TCERG1: variants seen among roughly 807,000 people sequenced by gnomAD.
The protein encoded by TCERG1 is TATA box binding protein (TBP)-associated factor, RNA polymerase II, S, 150kD.
In TCERG1, 37 loss-of-function variants were observed where a neutral mutation model predicts 144.7. The ratio of observed to expected loss-of-function variants is 0.26; its 90% CI spans 0.20 to 0.34. TCERG1 has a LOEUF of 0.34. Ranked by LOEUF, TCERG1 falls within the 10% of genes least tolerant of loss-of-function variation. TCERG1 has a pLI of 1.00. For missense variants in TCERG1, 1,027 were observed against 1,380.7 expected (o/e 0.74, Z 4.06); for synonymous variants, 492 against 458.2 (o/e 1.07, Z -0.94).
chr5:146,476,332 G>A (rs1764836194), intron 9 of TCERG1, among the ~76,000 whole-genome samples: 1 of 152,128 alleles, frequency 6.6e-6, no homozygotes, highest in Admixed American at 6.5e-5. Context: ...TGAAAATACT[G>A]TTTCTCAATG....
intron 3 of TCERG1, 66 bp downstream of exon 3, chr5:146,457,401 C>G: frequency 7.0e-7 from 1 of 1,436,300 alleles, no homozygotes. Context: ...AGAGTTCTGG[C>G]AGATTGAGGT....
chr5:146,507,930 T>C lies in TCERG1; in HGVS notation c.3019T>C (p.Cys1007Arg). 2 of 1,611,006 alleles carry C rather than the reference T, an allele frequency of 1.2e-6. No individual in the cohort carries two copies. Among genetic ancestry groups the C allele is most frequent in the Non-Finnish European group, 1.7e-6 (2 of 1,178,472 alleles). ...VKKIIKEDPR[C>R]IKFSSSDRKK... ...AAAAATCATTAAGGAAGATCCTCGATGTATTAAGTTCTCCTCCAGTGACAG... is the reference window on the plus strand; with the variant it reads ...AAAAATCATTAAGGAAGATCCTCGACGTATTAAGTTCTCCTCCAGTGACAG... Residue 1007 changes from cysteine (C) to arginine (R), a missense_variant, in exon 21 of 23, where the codon TGT becomes CGT. Cys to Arg is a radical substitution (Grantham distance 180). Around this residue, in one of 6 missense-constraint regions of TCERG1, gnomAD observed 133 missense variants for 283.2 expected, o/e 0.47. Transcript: ENST00000679501. This position sits in a 1 kb window ranked among gnomAD's most constrained non-coding sequence, Gnocchi z 4.6.
rs572642822 is a variant in TCERG1, at chr5:146,458,312, G to T, written c.439-572G>T. Among the ~76,000 whole-genome samples, 29 of 151,676 alleles carry T rather than the reference G, an allele frequency of 1.9e-4. No individual in the cohort carries two copies. The East Asian group carries it at 3.7e-3, about 19-fold the overall frequency. On this transcript the variant is annotated intron_variant, in intron 3 of 22. Transcript: ENST00000679501. Reference sequence around the variant, plus strand: ...CTTCCTCAGCCTCCCAAGTAGCTGGGATTACAGGCGCCTGCCATCACGTCT... The same window carrying T: ...CTTCCTCAGCCTCCCAAGTAGCTGGTATTACAGGCGCCTGCCATCACGTCT...
intron 1 of TCERG1, among the ~76,000 whole-genome samples, chr5:146,448,653 T>G (rs1762103557): frequency 6.6e-6 from 1 of 152,194 alleles, no homozygotes; most frequent in South Asian, 2.1e-4. Flanking sequence ...AAGAGGAAAA[T>G]GCCTTTCAGA....
intron 15 of TCERG1, among the ~76,000 whole-genome samples, chr5:146,490,155 C>G (rs1766257402): frequency 6.6e-6 from 1 of 152,150 alleles, no homozygotes; most frequent in Non-Finnish European, 1.5e-5. Context: ...CAATGCTATA[C>G]TTAGAGGAAA....
chr5:146,460,262 C>G (rs1276414702), intron 4 of TCERG1, among the ~76,000 whole-genome samples: 1 of 151,926 alleles, frequency 6.6e-6, no homozygotes, highest in Non-Finnish European at 1.5e-5. Flanking sequence ...GAGAGGGACA[C>G]AGCTATTAAT....
At chr5:146,492,722 TAAGTA>T (rs1368832060) in intron 15 of TCERG1, 193 bp from the exon 16 acceptor site, 1 of 363,148 alleles carries the variant, frequency 2.8e-6, no homozygotes, top group Non-Finnish European at 5.0e-6. Flanking sequence ...TCTTGAAGCC[TAAGTA>T]GAGAGCTGTG....
At chr5:146,456,634 A>G in intron 2 of TCERG1, among the ~76,000 whole-genome samples, 1 of 152,194 alleles carries the variant, frequency 6.6e-6, no homozygotes, top group African/African-American at 2.4e-5. Flanking sequence ...ACAACTTCAC[A>G]CTATTAGCAT....
intron 9 of TCERG1, 149 bp downstream of exon 9, chr5:146,471,725 A>C (rs572108142): frequency 7.3e-6 from 4 of 546,236 alleles, no homozygotes; most frequent in Non-Finnish European, 1.3e-5. Flanking sequence ...CAGCTTCCCG[A>C]ATAGCTGGGA....
intron 4 of TCERG1, among the ~76,000 whole-genome samples, chr5:146,462,946 G>T (rs190674981): frequency 6.6e-6 from 1 of 152,204 alleles, no homozygotes; most frequent in Non-Finnish European, 1.5e-5. Context: ...TACCATTAAT[G>T]TATTTTGTCT....
At chr5:146,500,016 A>G (rs529785048) in intron 17 of TCERG1, 2 of 152,258 alleles carry the variant, frequency 1.3e-5, no homozygotes, top group South Asian at 4.1e-4. Flanking sequence ...AGTGATGAGA[A>G]TTGTGCCCAG....
At chr5:146,495,222 T>A (rs897315237) in intron 16 of TCERG1, among the ~76,000 whole-genome samples, 22 of 152,194 alleles carry the variant, frequency 1.4e-4, no homozygotes, top group East Asian at 9.6e-4. Flanking sequence ...TCAGATTTTT[T>A]AAAAAAAATT....
At chr5:146,482,377 T>A (rs12652790) in intron 13 of TCERG1, 66,016 of 368,926 alleles carry the variant, frequency 0.18, 11,276 homozygotes, top group East Asian at 0.81. Flanking sequence ...CCTAATAATG[T>A]AGCCATTGTA....
In TCERG1 at chr5:146,469,539, T is replaced by C. The variant is rs1228414780; in HGVS notation, c.1199-5T>C. ...GGATCTAATTTTTTATTATTCTTTT[T>C]TTAGGTGTATTGCCAGGAATGGCCC... On this transcript the variant is annotated splice_polypyrimidine_tract_variant and splice_region_variant and intron_variant, in intron 6 of 22. Coordinates refer to ENST00000679501, the MANE Select transcript of TCERG1 (RefSeq NM_001382548.1). The C allele has an allele frequency of 1.3e-6, 2 of 1,576,852 alleles. No individual in the cohort carries two copies. The highest frequency in any genetic ancestry group is 1.7e-6 in the Non-Finnish European group (2 of 1,167,438).
At chr5:146,460,146 C>CAGTCAGAA in intron 4 of TCERG1, among the ~76,000 whole-genome samples, 1 of 152,004 alleles carries the variant, frequency 6.6e-6, no homozygotes, top group East Asian at 1.9e-4. Context: ...TAGAAGGGAG[C>CAGTCAGAA]AGTCAGAAAG....
At chr5:146,486,449 A>G (rs919375978) in intron 15 of TCERG1, among the ~76,000 whole-genome samples, 8 of 152,254 alleles carry the variant, frequency 5.3e-5, no homozygotes, top group South Asian at 2.1e-4. Flanking sequence ...AACATTTTCC[A>G]TAAAAACTAG....
At chr5:146,469,819 A>G in intron 7 of TCERG1, 75 bp downstream of exon 7, 1 of 1,094,062 alleles carries the variant, frequency 9.1e-7, no homozygotes. Flanking sequence ...ATTCTGAGTT[A>G]ATTTCTTTTT....
At chr5:146,454,813 G>T (rs1376564896) in intron 1 of TCERG1, among the ~76,000 whole-genome samples, 2 of 152,088 alleles carry the variant, frequency 1.3e-5, no homozygotes, top group Non-Finnish European at 2.9e-5. Flanking sequence ...GTCGAGGTTG[G>T]TCTCAAACTC....
At chr5:146,490,041 G>GT (rs1466742329) in intron 15 of TCERG1, among the ~76,000 whole-genome samples, 1 of 152,154 alleles carries the variant, frequency 6.6e-6, no homozygotes, top group African/African-American at 2.4e-5. Flanking sequence ...TGAATTTTAG[G>GT]TATCATTTAA....
Sources: gnomAD v4.1 joint callset for allele counts (sites outside exome capture counted in the v4.1 genomes callset) on GRCh38, gnomAD v4.1.1 for gene constraint, gnomAD v4.1.1 regional missense constraint, Gnocchi (gnomAD v3.1) non-coding constraint, MANE v1.5 for transcripts, NCBI Gene and HGNC (gene_info 2026-07-23, HGNC 2026-07-21) for gene names.